ASAP1: variants seen among roughly 807,000 people sequenced by gnomAD.
ASAP1 encodes ArfGAP with SH3 domain, ankyrin repeat and PH domain 1.
In ASAP1, 43 loss-of-function variants were observed where a neutral mutation model predicts 145.2. The observed-to-expected ratio is 0.30, with a 90% confidence interval of 0.23 to 0.38. The LOEUF is 0.38. Among genes scored for constraint, ASAP1 ranks in the 10% least tolerant of loss-of-function variants. The pLI, the probability that ASAP1 is intolerant of heterozygous loss-of-function variation, is 1.00. For missense variants in ASAP1, 1,018 were observed against 1,355.3 expected (o/e 0.75, Z 3.91); for synonymous variants, 546 against 515.5 (o/e 1.06, Z -0.80).
chr8:130,351,416 A>G (rs1825984795), intron 3 of ASAP1, among the ~76,000 whole-genome samples: 1 of 152,218 alleles, frequency 6.6e-6, no homozygotes, highest in South Asian at 2.1e-4. Flanking sequence ...GGTGTAAAAA[A>G]TGTTTTTTTT....
chr8:130,256,372 T>C (rs561812437), intron 3 of ASAP1, among the ~76,000 whole-genome samples: 2 of 148,196 alleles, frequency 1.3e-5, no homozygotes, highest in Admixed American at 6.8e-5. Context: ...CCAAGCTTAC[T>C]TGAACGGGGA....
chr8:130,258,423 C>T (rs538310389), intron 3 of ASAP1, among the ~76,000 whole-genome samples: 2 of 152,192 alleles, frequency 1.3e-5, no homozygotes, highest in South Asian at 4.1e-4. Context: ...ACAGACCACC[C>T]TGATAATTCA....
chr8:130,346,458 T>C (rs1410699307), intron 3 of ASAP1, among the ~76,000 whole-genome samples: 7 of 152,244 alleles, frequency 4.6e-5, no homozygotes, highest in African/African-American at 7.2e-5. Context: ...GCATTTTTTT[T>C]CTTGAGGATG....
At chr8:130,110,969 C>G (rs564716738) in intron 24 of ASAP1, among the ~76,000 whole-genome samples, 6 of 152,234 alleles carry the variant, frequency 3.9e-5, no homozygotes, top group Admixed American at 2.6e-4. Flanking sequence ...AGCTATAGCT[C>G]TGGGTACCTC....
At chr8:130,347,555 G>A (rs1825769072) in intron 3 of ASAP1, among the ~76,000 whole-genome samples, 1 of 152,198 alleles carries the variant, frequency 6.6e-6, no homozygotes, top group Non-Finnish European at 1.5e-5. Flanking sequence ...TGTGATCTGG[G>A]TATAAACGGT....
At chr8:130,335,926 A>G (rs1043102304) in intron 3 of ASAP1, among the ~76,000 whole-genome samples, 3 of 152,176 alleles carry the variant, frequency 2.0e-5, no homozygotes, top group Non-Finnish European at 4.4e-5. Context: ...ACTAAAAGAA[A>G]AAAGTGTGAA....
At chr8:130,195,961 C>T (rs922314171) in intron 5 of ASAP1, among the ~76,000 whole-genome samples, 3 of 152,228 alleles carry the variant, frequency 2.0e-5, no homozygotes, top group Non-Finnish European at 4.4e-5. Context: ...GATTTATCAT[C>T]TTTCTTCACT....
chr8:130,289,222 T>C (rs183751138), intron 3 of ASAP1, among the ~76,000 whole-genome samples: 40 of 152,016 alleles, frequency 2.6e-4, no homozygotes, highest in Non-Finnish European at 3.7e-4. Flanking sequence ...AAAAAAACTA[T>C]ACTTACCAAG....
At chr8:130,194,280 T>C (rs1300175917) in intron 5 of ASAP1, among the ~76,000 whole-genome samples, 1 of 151,598 alleles carries the variant, frequency 6.6e-6, no homozygotes. Flanking sequence ...GACAAGTGAA[T>C]AGTAATTACC....
Position 130,058,160 on chromosome 8 carries a change from T to C in ASAP1, c.3193-84A>G, listed in dbSNP as rs1415705766. 9.3e-6 allele frequency: 14 copies of C among 1,505,472 alleles called. No individual in the cohort carries two copies. The East Asian group carries it at 1.6e-4, about 17-fold the overall frequency. The allele number at this position is 1,505,472 out of a possible 1,614,324, so 93.3% of individuals were successfully genotyped here. ...GCGGTTCTTTGTAAAATGGTTGACC[T>C]TGGCCAGTAACTTAACCTCGCTGAG... is the stretch of plus-strand genomic sequence containing the variant. On this transcript the variant is annotated intron_variant, in intron 28 of 29. Coordinates refer to ENST00000518721, the MANE Select transcript of ASAP1 (RefSeq NM_018482.4).
chr8:130,062,479 G>C (rs1175964511), intron 27 of ASAP1, among the ~76,000 whole-genome samples: 1 of 152,128 alleles, frequency 6.6e-6, no homozygotes, highest in Non-Finnish European at 1.5e-5. Context: ...TAATTTACAT[G>C]AATCTCGTTC....
At position 130,195,994 on chromosome 8, in the gene ASAP1, A is replaced by G. The variant is rs542719320; in HGVS notation, c.406-7811T>C. On this transcript the variant is annotated intron_variant, in intron 5 of 29. Coordinates refer to ENST00000518721, the MANE Select transcript of ASAP1 (RefSeq NM_018482.4). ...ACTAGAAGGTTTGCTTCTTAAGGGGAGGCCCTGTATCTATTTTGTTTACTA... is the reference window on the plus strand; with the variant it reads ...ACTAGAAGGTTTGCTTCTTAAGGGGGGGCCCTGTATCTATTTTGTTTACTA... 1.1e-4 allele frequency among the ~76,000 whole-genome samples: 17 copies of G among 152,332 alleles called. No homozygotes were observed. The East Asian group carries it at 3.3e-3, about 29-fold the overall frequency.
chr8:130,114,333 A>G (rs2097551357), intron 23 of ASAP1, among the ~76,000 whole-genome samples: 1 of 152,222 alleles, frequency 6.6e-6, no homozygotes, highest in Non-Finnish European at 1.5e-5. Context: ...TATACTAAAC[A>G]TTGTAAACAA....
chr8:130,113,589 T>C (rs575509094), intron 23 of ASAP1, among the ~76,000 whole-genome samples: 6 of 152,322 alleles, frequency 3.9e-5, no homozygotes, highest in African/African-American at 1.2e-4. Context: ...GTCCAATACA[T>C]AGGCAATCAA....
intron 25 of ASAP1, 58 bp from the exon 26 acceptor site, chr8:130,080,029 A>C: frequency 6.7e-7 from 1 of 1,493,148 alleles, no homozygotes; most frequent in Non-Finnish European, 9.3e-7. Flanking sequence ...TGCAATGAGA[A>C]TACATGGGTT....
chr8:130,095,780 G>A (rs1194209478), intron 24 of ASAP1, among the ~76,000 whole-genome samples: 3 of 151,510 alleles, frequency 2.0e-5, no homozygotes, highest in Non-Finnish European at 4.4e-5. Context: ...CGCCACACCC[G>A]GCTAAGTTTT....
intron 1 of ASAP1, among the ~76,000 whole-genome samples, chr8:130,422,434 G>A (rs545078520): frequency 1.3e-5 from 2 of 152,244 alleles, no homozygotes; most frequent in East Asian, 1.9e-4. Flanking sequence ...TCCCAGGCTC[G>A]GATCACCCAC....
intron 3 of ASAP1, among the ~76,000 whole-genome samples, chr8:130,328,158 A>G (rs1824455159): frequency 1.3e-5 from 2 of 152,194 alleles, no homozygotes; most frequent in Admixed American, 6.5e-5. Flanking sequence ...GCCTATCATC[A>G]TAACAATTCT....
intron 3 of ASAP1, among the ~76,000 whole-genome samples, chr8:130,341,090 T>C (rs1825354012): frequency 6.6e-6 from 1 of 152,092 alleles, no homozygotes; most frequent in African/African-American, 2.4e-5. Context: ...ACAGATCAAA[T>C]TAAGTCACTA....
Sources: allele counts gnomAD v4.1 joint callset (sites outside exome capture counted in the v4.1 genomes callset), GRCh38; gene constraint gnomAD v4.1.1; transcripts MANE v1.5; gene names NCBI Gene and HGNC (gene_info 2026-07-23, HGNC 2026-07-21).